ZNF841: variants seen among roughly 807,000 people sequenced by gnomAD.
ZNF841 encodes TCONS_00006091.
A neutral mutation model predicts 13.0 loss-of-function variants in ZNF841; 11 were observed. The ratio of observed to expected loss-of-function variants is 0.85; its 90% CI spans 0.53 to 1.40. The LOEUF (loss-of-function observed/expected upper bound fraction) is 1.40, where lower values mean the gene tolerates loss of function less well. Among genes scored for constraint, ZNF841 ranks in the 40% most tolerant of loss-of-function variants. ZNF841 has a pLI of 0.00. For missense variants in ZNF841, 1,068 were observed against 1,139.5 expected (o/e 0.94, Z 0.90); for synonymous variants, 369 against 381.6 (o/e 0.97, Z 0.38).
chr19:52,076,030 A>G lies in ZNF841; in HGVS notation c.271+14T>C. On this transcript the variant is annotated intron_variant, in intron 6 of 6. Coordinates refer to ENST00000594440, the MANE Select transcript of ZNF841 (RefSeq NM_001136499.2). The stretch of plus-strand genomic sequence containing the variant: ...TCATGGTACCGCTTCCATTGTGCCC[A>G]TCTGAGCTCTTACCGGTGATCACGC... The G allele has an allele frequency of 1.9e-6, 3 of 1,551,996 alleles. No individual in the cohort carries two copies. Among genetic ancestry groups the G allele is most frequent in the Non-Finnish European group, 2.6e-6 (3 of 1,147,194 alleles).
chr19:52,059,390 T>TATATATATATATACAC, the ZNF841 span, among the ~76,000 whole-genome samples: 105 of 96,276 alleles, frequency 1.1e-3, no homozygotes, highest in East Asian at 2.6e-3. Context: ...TATATATATA[T>TATATATATATATACAC]ACACACACAC....
chr19:52,081,772 T>C (rs1055728780), intron 4 of ZNF841, among the ~76,000 whole-genome samples: 4 of 152,182 alleles, frequency 2.6e-5, no homozygotes, highest in African/African-American at 9.7e-5. Flanking sequence ...GAGGTTCATT[T>C]GAACCCGGGA....
At chr19:52,083,306 A>T (rs2088159036) in intron 4 of ZNF841, among the ~76,000 whole-genome samples, 2 of 151,876 alleles carry the variant, frequency 1.3e-5, no homozygotes, top group African/African-American at 4.8e-5. Flanking sequence ...TAATTGAAAG[A>T]GTGATTGCCT....
chr19:52,062,832 T>C (rs1479335384), downstream of ZNF841, among the ~76,000 whole-genome samples: 1 of 152,016 alleles, frequency 6.6e-6, no homozygotes, highest in East Asian at 1.9e-4. Flanking sequence ...GACTTAGTTA[T>C]CCATAGTATG....
At chr19:52,081,728 C>A (rs1279663684) in intron 4 of ZNF841, among the ~76,000 whole-genome samples, 1 of 152,128 alleles carries the variant, frequency 6.6e-6, no homozygotes, top group African/African-American at 2.4e-5. Context: ...ATGGTGCATG[C>A]CTGTAGTCCC....
intron 6 of ZNF841, among the ~76,000 whole-genome samples, chr19:52,072,716 G>A (rs147472223): frequency 2.0e-5 from 3 of 152,296 alleles, no homozygotes; most frequent in South Asian, 2.1e-4. Context: ...CTACTCGGGA[G>A]GCTGAGGCAG....
chr19:52,074,564 C>A (rs909739679), intron 6 of ZNF841, among the ~76,000 whole-genome samples: 1 of 135,202 alleles, frequency 7.4e-6, no homozygotes, highest in African/African-American at 2.7e-5. Context: ...GTTCCCCAGG[C>A]TAGAGTGCAT....
intron 6 of ZNF841, among the ~76,000 whole-genome samples, chr19:52,070,891 G>A (rs1232241078): frequency 2.0e-5 from 3 of 152,170 alleles, no homozygotes; most frequent in Non-Finnish European, 4.4e-5. Context: ...AAATTAATAT[G>A]CTAGTCAGTA....
Position 52,066,328 on chromosome 19 carries a change from A to T in ZNF841, c.1554T>A (p.Cys518Ter). 1 of 1,613,996 alleles carries T rather than the reference A, an allele frequency of 6.2e-7. No homozygotes were observed. Among genetic ancestry groups the T allele is most frequent in the Non-Finnish European group, 8.5e-7 (1 of 1,179,898 alleles). ...ATGAGCCCCAATTAAAGGCTTTGCC[A>T]CATTCATTACATTTGTAAGGTTTCT... ...TGEKPYKCNECGKAFNWGSLL... is the reference protein window; with the variant it reads ...TGEKPYKCNE Residue 518 changes from cysteine (C) to a stop codon, truncating the protein, a stop_gained, in exon 7 of 7, where the codon TGT becomes TGA. Transcript: ENST00000594440. LOFTEE classifies it low-confidence loss of function (END_TRUNC).
At position 52,065,979 on chromosome 19, in the gene ZNF841, T is replaced by C. The variant is rs533229085; in HGVS notation, c.1903A>G (p.Ser635Gly). Residue 635 changes from serine (S) to glycine (G), a missense_variant, in exon 7 of 7, where the codon AGT becomes GGT. Coordinates refer to ENST00000594440, the MANE Select transcript of ZNF841 (RefSeq NM_001136499.2). ...TGACGTGCTAGGCATGAGTAGTAAC[T>C]GAAGACCTTGCCGCATTCGTTACAC... ...FQCNECGKVFSYYSCLARHRK... is the reference protein window; with the variant it reads ...FQCNECGKVFGYYSCLARHRK... 118 of 1,614,172 alleles carry C rather than the reference T, an allele frequency of 7.3e-5. No homozygotes were observed. The highest frequency in any genetic ancestry group is 1.6e-4 in the Middle Eastern group (1 of 6,062).
intron 3 of ZNF841, among the ~76,000 whole-genome samples, chr19:52,086,328 A>G (rs2088273189): frequency 6.6e-6 from 1 of 152,118 alleles, no homozygotes; most frequent in Non-Finnish European, 1.5e-5. Context: ...TGTTCTTATC[A>G]TAGTGAGTTC....
intron 2 of ZNF841, among the ~76,000 whole-genome samples, chr19:52,090,670 A>G (rs201281897): frequency 0.12 from 16,647 of 133,394 alleles, 1,893 homozygotes; most frequent in East Asian, 0.31. Context: ...AAAGAAAGAA[A>G]GAAAGAAAGA....
intron 1 of ZNF841, among the ~76,000 whole-genome samples, chr19:52,094,906 C>T (rs990932601): frequency 3.9e-5 from 6 of 152,114 alleles, no homozygotes; most frequent in East Asian, 1.9e-4. Flanking sequence ...CTTTTTCCAT[C>T]CGTTCTCTTT....
chr19:52,092,739 A>G (rs2123396570), intron 2 of ZNF841, among the ~76,000 whole-genome samples: 1 of 152,370 alleles, frequency 6.6e-6, no homozygotes. Context: ...TGAGAAGCTG[A>G]GGCGACAAGA....
In ZNF841 at chr19:52,065,917, A is replaced by G. The variant is rs1568534331; in HGVS notation, c.1965T>C (p.Cys655=). 1 of 1,614,216 alleles carries G rather than the reference A, an allele frequency of 6.2e-7. No homozygotes were observed. The highest frequency in any genetic ancestry group is 8.5e-7 in the Non-Finnish European group (1 of 1,180,046). The part of the protein sequence containing the change: ...KIHTGEKPYK[C]NDCGKAYTQR... ...GAGTATAGGCTTTGCCACAATCATT[A>G]CATTTATAAGGTTTCTCTCCGGTAT... The change falls in exon 7 of 7, where the codon TGT becomes TGC. Residue 655 remains cysteine, a synonymous_variant. Transcript: ENST00000594440.
In ZNF841 at chr19:52,084,678, G is replaced by C. The variant is rs1012564248; in HGVS notation, c.15+109C>G. 4.0e-6 allele frequency: 5 copies of C among 1,247,008 alleles called. No individual in the cohort carries two copies. In the African/African-American group the frequency reaches 6.0e-5, roughly 15 times the overall value. 77.2% of individuals were successfully genotyped at this position (1,247,008 alleles called of 1,614,324 possible). Reference sequence around the variant, plus strand: ...TGAAGGAAGGCATGGGTGAGTGCGAGCAAATGTGTCAGGCAGGATACTTCA... The same window carrying C: ...TGAAGGAAGGCATGGGTGAGTGCGACCAAATGTGTCAGGCAGGATACTTCA... On this transcript the variant is annotated intron_variant, in intron 4 of 6. Transcript: ENST00000594440.
intron 6 of ZNF841, among the ~76,000 whole-genome samples, chr19:52,072,636 G>A (rs1460118617): frequency 6.6e-6 from 1 of 152,132 alleles, no homozygotes; most frequent in East Asian, 1.9e-4. Flanking sequence ...GAGGTCAGGA[G>A]TTCGAGACCA....
intron 4 of ZNF841, among the ~76,000 whole-genome samples, chr19:52,077,979 T>G (rs2087961077): frequency 6.6e-6 from 1 of 152,080 alleles, no homozygotes; most frequent in South Asian, 2.1e-4. Context: ...AGTTCAAGAT[T>G]AACTTGGAAC....
chr19:52,091,055 G>C (rs572286856), intron 2 of ZNF841, among the ~76,000 whole-genome samples: 48 of 152,198 alleles, frequency 3.2e-4, no homozygotes, highest in African/African-American at 1.2e-3. Context: ...CAGGACTCTT[G>C]CTCACTAGAA....
Sources: gnomAD v4.1 joint callset for allele counts (sites outside exome capture counted in the v4.1 genomes callset) on GRCh38, gnomAD v4.1.1 for gene constraint, MANE v1.5 for transcripts, NCBI Gene and HGNC (gene_info 2026-07-23, HGNC 2026-07-21) for gene names.